Variants in CREB3L1 observed in about 807,000 individuals in gnomAD.
CREB3L1 encodes cyclic AMP-responsive element-binding protein 3-like protein 1.
Under a neutral mutation model 54.5 loss-of-function variants are expected in CREB3L1, and 33 were observed. That is an observed-to-expected ratio of 0.61 (90% CI 0.46 to 0.81). The LOEUF is 0.81. CREB3L1 is among the 30% of genes least tolerant of loss of function. The pLI is 0.00. For synonymous variants in CREB3L1, 284 were observed against 286.4 expected, an observed-to-expected ratio of 0.99 and a Z score of 0.08; for missense variants, 656 against 673.3, an observed-to-expected ratio of 0.97 and a Z score of 0.29.
At chr11:46,319,083 G>T (rs1451703653) in intron 10 of CREB3L1, among the ~76,000 whole-genome samples, 3 of 152,210 alleles carry the variant, frequency 2.0e-5, no homozygotes, top group South Asian at 2.1e-4. Context: ...GAGAGCTGGG[G>T]TTGATGGATA....
chr11:46,304,362 C>T (rs959485311), intron 2 of CREB3L1, among the ~76,000 whole-genome samples: 4 of 152,160 alleles, frequency 2.6e-5, no homozygotes, highest in African/African-American at 9.7e-5. Context: ...ATCCCAGCTA[C>T]TCGAGAGGCT....
intron 1 of CREB3L1, among the ~76,000 whole-genome samples, chr11:46,296,785 C>T (rs1345673035): frequency 6.6e-6 from 1 of 152,172 alleles, no homozygotes; most frequent in Non-Finnish European, 1.5e-5. Flanking sequence ...TTCCACTTGG[C>T]TCCCGTTGCT....
At chr11:46,307,313 C>T (rs975897088) in intron 2 of CREB3L1, among the ~76,000 whole-genome samples, 3 of 152,196 alleles carry the variant, frequency 2.0e-5, no homozygotes, top group African/African-American at 7.2e-5. Context: ...TGGTCACGAA[C>T]TCCTGGGCTC....
At chr11:46,308,428 G>A (rs964140993) in intron 3 of CREB3L1, among the ~76,000 whole-genome samples, 3 of 152,210 alleles carry the variant, frequency 2.0e-5, no homozygotes, top group African/African-American at 7.2e-5. Context: ...ACATTTATGA[G>A]ATTAATATTT....
rs115269059 is a variant in CREB3L1, at chr11:46,288,997, C to T, written c.102+10784C>T. Among the ~76,000 whole-genome samples the T allele has an allele frequency of 4.1e-3, 630 of 152,284 alleles. 5 individuals are homozygous for T. The highest frequency in any genetic ancestry group is 0.014 in the African/African-American group (601 of 41,554). On this transcript the variant is annotated intron_variant, in intron 1 of 11. Coordinates refer to ENST00000621158, the MANE Select transcript of CREB3L1 (RefSeq NM_052854.4). ...CAGGAAGTTAGAGCAGTGCCTGGTA[C>T]ATAAATATTCGCTGTTATTATATTA...
rs944141642 is a variant in CREB3L1 at position 46,277,866 on chromosome 11, T to C, written c.-246T>C. 9 of 360,640 alleles carry C rather than the reference T, an allele frequency of 2.5e-5. No homozygotes were observed. Among genetic ancestry groups the C allele is most frequent in the Non-Finnish European group, 4.0e-5 (8 of 201,498 alleles). 22.3% of individuals were successfully genotyped at this position (360,640 alleles called of 1,614,324 possible). A position where few individuals can be genotyped will look rare whatever the true frequency, so the allele number is the denominator to read the frequency against. ...AGGAGCAGGAGGAGGTGGAGTCGGC[T>C]GAATGCCCACGGTGCGCCCGGGGCC... On this transcript the variant is annotated 5_prime_UTR_variant, in exon 1 of 12. It removes the in-frame stop codon of an upstream open reading frame in the 5' UTR. Coordinates refer to ENST00000621158, the MANE Select transcript of CREB3L1 (RefSeq NM_052854.4).
chr11:46,296,643 G>A (rs1046544209), intron 1 of CREB3L1, among the ~76,000 whole-genome samples: 6 of 152,160 alleles, frequency 3.9e-5, no homozygotes, highest in African/African-American at 1.4e-4. Context: ...CTCCCAGGAG[G>A]GCGAGGTGGG....
chr11:46,309,378 T>C (rs535407045), intron 3 of CREB3L1, among the ~76,000 whole-genome samples: 1 of 152,350 alleles, frequency 6.6e-6, no homozygotes, highest in African/African-American at 2.4e-5. Flanking sequence ...TGCATGCTCT[T>C]GAAGTCCTTT....
At position 46,320,459 on chromosome 11, in the gene CREB3L1, C is replaced by G. The variant is rs1366258091; in HGVS notation, c.1454C>G (p.Ala485Gly). 6.2e-7 allele frequency: 1 copy of G among 1,606,166 alleles called. No individual in the cohort carries two copies. The highest frequency in any genetic ancestry group is 8.5e-7 in the Non-Finnish European group (1 of 1,176,546). The change falls in exon 11 of 12, where the codon GCC becomes GGC. Residue 485 changes from alanine (A) to glycine (G), a missense_variant. By Grantham distance (60) the Ala-to-Gly change is moderately conservative. Coordinates refer to ENST00000621158, the MANE Select transcript of CREB3L1 (RefSeq NM_052854.4). ...THETTKYLSE[A>G]WPKDGGNGTS... ...GAGACCACCAAGTACCTGAGTGAGG[C>G]CTGGCCTAAAGACGGTGGAAACGGC...
intron 1 of CREB3L1, among the ~76,000 whole-genome samples, chr11:46,293,532 C>T (rs1436823789): frequency 6.6e-6 from 1 of 152,252 alleles, no homozygotes. Flanking sequence ...ACACACCCTC[C>T]CCAGGACTCT....
At chr11:46,316,161 T>C in intron 8 of CREB3L1, 125 bp from the exon 9 acceptor site, 2 of 640,260 alleles carry the variant, frequency 3.1e-6, no homozygotes, top group South Asian at 1.9e-5. Flanking sequence ...TGACCTTTCC[T>C]ATCTTGACTG....
intron 1 of CREB3L1, among the ~76,000 whole-genome samples, chr11:46,291,590 C>A (rs1008988990): frequency 6.6e-6 from 1 of 152,098 alleles, no homozygotes; most frequent in African/African-American, 2.4e-5. Flanking sequence ...CCTTTCAGTT[C>A]GAAAATTGTA....
chr11:46,306,692 T>C (rs1382443667), intron 2 of CREB3L1, among the ~76,000 whole-genome samples: 1 of 152,132 alleles, frequency 6.6e-6, no homozygotes. Context: ...ACTCTTGCTA[T>C]ATCCCCAGCA....
At chr11:46,312,973 C>A in intron 8 of CREB3L1, 54 bp downstream of exon 8, 1 of 1,358,536 alleles carries the variant, frequency 7.4e-7, no homozygotes. Context: ...GCAACCCGTG[C>A]CTGGCTCTGC....
chr11:46,298,559 C>T (rs574989482), intron 1 of CREB3L1, among the ~76,000 whole-genome samples: 2 of 152,024 alleles, frequency 1.3e-5, no homozygotes, highest in Admixed American at 6.6e-5. Flanking sequence ...ATTAGCTGGG[C>T]GTGGTGGTGC....
At chr11:46,297,812 T>C (rs934224724) in intron 1 of CREB3L1, among the ~76,000 whole-genome samples, 2 of 152,132 alleles carry the variant, frequency 1.3e-5, no homozygotes, top group Non-Finnish European at 2.9e-5. Flanking sequence ...ACTCCCACCA[T>C]TGGTTCCAAG....
At chr11:46,304,552 A>G (rs1399688410) in intron 2 of CREB3L1, among the ~76,000 whole-genome samples, 1 of 152,182 alleles carries the variant, frequency 6.6e-6, no homozygotes, top group Non-Finnish European at 1.5e-5. Context: ...TGCGTCTGAT[A>G]GTCTTTGAGA....
chr11:46,316,187 G>A (rs572322363), intron 8 of CREB3L1, 99 bp from the exon 9 acceptor site: 21 of 720,218 alleles, frequency 2.9e-5, no homozygotes, highest in Middle Eastern at 3.3e-4. Flanking sequence ...GGCACCTGGC[G>A]TGGAGGCCAA....
chr11:46,291,233 G>A lies in CREB3L1; in HGVS notation c.103-8702G>A, dbSNP rs141641232. On this transcript the variant is annotated intron_variant, in intron 1 of 11. Transcript: ENST00000621158. The stretch of plus-strand genomic sequence containing the variant: ...GAAACGGCTGCTTACCTTGGGCTGT[G>A]TGACCCCAGGCAAGTGCACTCCCAT... 1.2e-3 allele frequency among the ~76,000 whole-genome samples: 185 copies of A among 152,290 alleles called. 2 individuals are homozygous for A. Among genetic ancestry groups the A allele is most frequent in the African/African-American group, 3.5e-3 (147 of 41,564 alleles).
Sources: allele counts gnomAD v4.1 joint callset (sites outside exome capture counted in the v4.1 genomes callset), GRCh38; gene constraint gnomAD v4.1.1; transcripts MANE v1.5; gene names NCBI Gene and HGNC (gene_info 2026-07-23, HGNC 2026-07-21).